The following MCF2L2 variants were observed in gnomAD, a reference collection of about 807,000 sequenced individuals.
MCF2L2 encodes the protein MCF.2 cell line derived transforming sequence-like 2.
Under a neutral mutation model 150.2 loss-of-function variants are expected in MCF2L2, and 102 were observed. That is an observed-to-expected ratio of 0.68 (90% CI 0.58 to 0.80). The LOEUF (loss-of-function observed/expected upper bound fraction) is 0.80. Ranked by LOEUF, MCF2L2 falls within the 30% of genes least tolerant of loss-of-function variation. MCF2L2 has a pLI of 0.00. For synonymous variants in MCF2L2, 465 were observed against 491.3 expected (o/e 0.95, Z 0.71); for missense variants, 1,256 against 1,372.8 (o/e 0.91, Z 1.34).
chr3:183,181,715 G>C lies in MCF2L2; in HGVS notation c.3017-1556C>G, dbSNP rs1474517918. The stretch of plus-strand genomic sequence containing the variant: ...GACCATCCCCTGCATGAATAGGAAG[G>C]GCTGTGTCTCCAGGGTCCATGGCCT... On this transcript the variant is annotated intron_variant, in intron 27 of 29. Transcript: ENST00000328913. This position sits in a 1 kb window ranked among gnomAD's most constrained non-coding sequence, Gnocchi z 4.3. Among the ~76,000 whole-genome samples the C allele has an allele frequency of 4.6e-5, 7 of 152,068 alleles. No individual in the cohort carries two copies. In the East Asian group the frequency reaches 1.4e-3, roughly 29 times the overall value.
intron 11 of MCF2L2, chr3:183,297,642 C>CCCTTCCTTCCTTCCTT (rs59368179): frequency 0.054 from 7,875 of 146,154 alleles, 298 homozygotes; most frequent in Middle Eastern, 0.14. Context: ...CTTCCTTCCT[C>CCCTTCCTTCCTTCCTT]CCTTCCTTCC....
intron 7 of MCF2L2, among the ~76,000 whole-genome samples, chr3:183,315,500 G>C (rs187398244): frequency 6.6e-6 from 1 of 152,278 alleles, no homozygotes; most frequent in East Asian, 1.9e-4. Flanking sequence ...AGGTTGGATA[G>C]GGGGTGTTTA....
chr3:183,425,957 A>G (rs534809024), intron 1 of MCF2L2, among the ~76,000 whole-genome samples: 5,265 of 143,036 alleles, frequency 0.037, 304 homozygotes, highest in African/African-American at 0.15. Flanking sequence ...CTCCATCTCA[A>G]AAAAAAAAAC....
intron 5 of MCF2L2, among the ~76,000 whole-genome samples, chr3:183,331,352 T>C (rs1730265773): frequency 6.6e-6 from 1 of 152,186 alleles, no homozygotes; most frequent in Non-Finnish European, 1.5e-5. Flanking sequence ...CCCCGACCCC[T>C]GGACATGTGG....
intron 1 of MCF2L2, among the ~76,000 whole-genome samples, chr3:183,414,122 A>G (rs897436980): frequency 1.1e-4 from 17 of 152,234 alleles, no homozygotes; most frequent in African/African-American, 2.2e-4. Flanking sequence ...CACTTCTTCT[A>G]TTTTTTGGAA....
intron 27 of MCF2L2, 52 bp downstream of exon 27, chr3:183,192,947 T>C (rs2108635461): frequency 1.5e-6 from 2 of 1,336,788 alleles, no homozygotes; most frequent in South Asian, 1.2e-5. Context: ...TCTAAGCAGC[T>C]GGCATCACCC....
At chr3:183,339,537 G>A (rs1730618158) in intron 4 of MCF2L2, among the ~76,000 whole-genome samples, 1 of 152,092 alleles carries the variant, frequency 6.6e-6, no homozygotes. Context: ...ATTTTCTTAG[G>A]CTAGAGTCGT....
intron 1 of MCF2L2, among the ~76,000 whole-genome samples, chr3:183,419,087 T>C (rs1715744793): frequency 1.3e-5 from 2 of 152,244 alleles, no homozygotes; most frequent in Admixed American, 1.3e-4. Flanking sequence ...CCTCTTGTTC[T>C]GTGCACCTAC....
At chr3:183,259,973 C>A (rs1384842419) in intron 15 of MCF2L2, among the ~76,000 whole-genome samples, 1 of 152,182 alleles carries the variant, frequency 6.6e-6, no homozygotes, top group Non-Finnish European at 1.5e-5. Context: ...AGCAAATTCT[C>A]ATCCATCTTG....
At position 183,300,190 on chromosome 3, in the gene MCF2L2, G is replaced by C. The variant is rs749518144; in HGVS notation, c.1120C>G (p.Leu374Val). 1 of 1,601,960 alleles carries C rather than the reference G, an allele frequency of 6.2e-7. No homozygotes were observed. The highest frequency in any genetic ancestry group is 8.5e-7 in the Non-Finnish European group (1 of 1,176,636). Reference protein sequence around the residue: ...KKLEEKSQEPLEKAQLLALVG... With the variant: ...KKLEEKSQEPVEKAQLLALVG... ...AGTGCCAGCAGCTGGGCCTTTTCCA[G>C]GGGCTCCTGCAAAGTGAACACCCAC... is the stretch of plus-strand genomic sequence containing the variant. Residue 374 changes from leucine to valine, a missense_variant, in exon 11 of 30, where the codon CTG (leucine) becomes GTG (valine). Leu to Val is a conservative substitution (Grantham distance 32). Transcript: ENST00000328913.
chr3:183,192,874 TTTC>T (rs1197047146), intron 27 of MCF2L2, 122 bp downstream of exon 27: 1 of 673,484 alleles, frequency 1.5e-6, no homozygotes, highest in African/African-American at 1.8e-5. Flanking sequence ...GGTAAAATGC[TTTC>T]TTTTTTCTCC....
At chr3:183,261,757 A>T (rs1239539116) in intron 15 of MCF2L2, among the ~76,000 whole-genome samples, 1 of 151,912 alleles carries the variant, frequency 6.6e-6, no homozygotes, top group Non-Finnish European at 1.5e-5. Context: ...GTTTTCTTCT[A>T]ATCTGTTAGT....
intron 1 of MCF2L2, among the ~76,000 whole-genome samples, chr3:183,405,852 G>A (rs1195892190): frequency 6.6e-6 from 1 of 152,066 alleles, no homozygotes; most frequent in Non-Finnish European, 1.5e-5. Flanking sequence ...AGTAGCTGGG[G>A]TTATAGGCGC....
chr3:183,337,588 T>G (rs1288651326), intron 5 of MCF2L2, among the ~76,000 whole-genome samples: 1 of 149,724 alleles, frequency 6.7e-6, no homozygotes, highest in African/African-American at 2.5e-5. Context: ...AAAAAGAAAC[T>G]ATCAGCCGTT....
At chr3:183,335,822 T>C (rs982223619) in intron 5 of MCF2L2, among the ~76,000 whole-genome samples, 7 of 152,122 alleles carry the variant, frequency 4.6e-5, no homozygotes, top group African/African-American at 1.7e-4. Context: ...TCCTAAGCTA[T>C]TGCACTCTAG....
intron 2 of MCF2L2, among the ~76,000 whole-genome samples, chr3:183,384,982 T>TA (rs1349008093): frequency 3.3e-5 from 5 of 152,166 alleles, no homozygotes; most frequent in African/African-American, 1.2e-4. Context: ...TCACCTGCAC[T>TA]ACCGAATCCA....
At chr3:183,241,656 A>T (rs919202609) in intron 15 of MCF2L2, among the ~76,000 whole-genome samples, 2 of 152,294 alleles carry the variant, frequency 1.3e-5, no homozygotes, top group Non-Finnish European at 1.5e-5. Context: ...TTTATAAATT[A>T]CCCAGTCTCA....
At chr3:183,293,855 T>C (rs1728304402) in intron 13 of MCF2L2, among the ~76,000 whole-genome samples, 1 of 152,148 alleles carries the variant, frequency 6.6e-6, no homozygotes, top group Non-Finnish European at 1.5e-5. Context: ...GTAAATTCCA[T>C]TCATTATAGG....
chr3:183,381,831 C>T (rs1713542563), intron 2 of MCF2L2, among the ~76,000 whole-genome samples: 1 of 152,170 alleles, frequency 6.6e-6, no homozygotes, highest in African/African-American at 2.4e-5. Flanking sequence ...CAGCTTTCAT[C>T]TAATAATATT....
Sources: gnomAD v4.1 joint callset for allele counts (sites outside exome capture counted in the v4.1 genomes callset) on GRCh38, gnomAD v4.1.1 for gene constraint, Gnocchi (gnomAD v3.1) non-coding constraint, MANE v1.5 for transcripts, NCBI Gene and HGNC (gene_info 2026-07-23, HGNC 2026-07-21) for gene names.